The following ODAD2 variants were observed in gnomAD, a reference collection of about 807,000 sequenced individuals.
ODAD2 encodes outer dynein arm docking complex subunit 2.
ODAD2 carries 89 observed loss-of-function variants against 106.8 expected under a neutral mutation model. The observed-to-expected ratio is 0.83, with a 90% CI of 0.70 to 0.99. The LOEUF is 0.99. Among genes scored for constraint, ODAD2 ranks in the 50% least tolerant of loss-of-function variants. ODAD2 has a pLI of 0.00. For missense variants in ODAD2, 1,168 were observed against 1,238.5 expected (o/e 0.94, Z 0.85); for synonymous variants, 404 against 436.2 (o/e 0.93, Z 0.92).
At chr10:27,896,700 T>C (rs1237324928) in intron 17 of ODAD2, among the ~76,000 whole-genome samples, 1 of 152,182 alleles carries the variant, frequency 6.6e-6, no homozygotes, top group Non-Finnish European at 1.5e-5. Flanking sequence ...GAGCCAGGCC[T>C]GTCTTTTTTT....
chr10:27,944,188 A>T, intron 12 of ODAD2, 34 bp downstream of exon 12: 1 of 1,567,330 alleles, frequency 6.4e-7, no homozygotes, highest in Non-Finnish European at 8.7e-7. Flanking sequence ...GGCGGCTGGC[A>T]CTAGATGACG....
At chr10:27,852,773 C>T (rs1035684909) in intron 19 of ODAD2, among the ~76,000 whole-genome samples, 1 of 151,382 alleles carries the variant, frequency 6.6e-6, no homozygotes, top group Non-Finnish European at 1.5e-5. Context: ...CCAGCCTGAC[C>T]AACATGGCAA....
At chr10:27,893,047 T>A (rs1330161455) in intron 17 of ODAD2, among the ~76,000 whole-genome samples, 1 of 151,844 alleles carries the variant, frequency 6.6e-6, no homozygotes. Flanking sequence ...TAATCCCAGC[T>A]ACTCGGGAGG....
At position 27,860,721 on chromosome 10, in the gene ODAD2, A is replaced by G; in HGVS notation, c.2925T>C (p.Asn975=). 6.2e-7 allele frequency: 1 copy of G among 1,614,192 alleles called. No homozygotes were observed. The highest frequency in any genetic ancestry group is 8.5e-7 in the Non-Finnish European group (1 of 1,180,024). The change falls in exon 19 of 20, where the codon AAT becomes AAC. Residue 975 remains asparagine (N), a synonymous_variant. Transcript: ENST00000305242. ...VAPLVRYLKS[N]DTNVHRATAQ... ...CTGTCGCCCGATGCACGTTGGTGTC[A>G]TTTGATTTCAGATAACGCACTAGTG...
intron 19 of ODAD2, among the ~76,000 whole-genome samples, chr10:27,837,106 A>G (rs1472925152): frequency 6.6e-6 from 1 of 152,088 alleles, no homozygotes; most frequent in Admixed American, 6.6e-5. Flanking sequence ...CCTGAGGGAA[A>G]ATTTGTTGTC....
At chr10:27,856,378 C>G (rs1839655160) in intron 19 of ODAD2, among the ~76,000 whole-genome samples, 1 of 152,136 alleles carries the variant, frequency 6.6e-6, no homozygotes, top group Non-Finnish European at 1.5e-5. Flanking sequence ...AGTATTTAAA[C>G]ACAAACCCTT....
intron 15 of ODAD2, among the ~76,000 whole-genome samples, chr10:27,936,465 G>A (rs887521258): frequency 6.6e-6 from 1 of 152,112 alleles, no homozygotes; most frequent in South Asian, 2.1e-4. Flanking sequence ...AATTCAAATG[G>A]CTGCCCATAT....
chr10:27,971,678 A>T (rs1224643825), intron 7 of ODAD2, among the ~76,000 whole-genome samples: 7 of 152,230 alleles, frequency 4.6e-5, no homozygotes, highest in Admixed American at 2.6e-4. Flanking sequence ...GACAGGTATG[A>T]CATATTACAG....
chr10:27,958,361 A>C (rs931094932), intron 10 of ODAD2, among the ~76,000 whole-genome samples: 3 of 152,230 alleles, frequency 2.0e-5, no homozygotes, highest in African/African-American at 7.2e-5. Flanking sequence ...TAATTAGGCT[A>C]TTATGAGAAA....
chr10:27,938,660 C>G (rs191940795), intron 14 of ODAD2, among the ~76,000 whole-genome samples: 1 of 150,968 alleles, frequency 6.6e-6, no homozygotes, highest in Admixed American at 6.6e-5. Context: ...AGTCCAGTGG[C>G]GCGATCTTGG....
At chr10:27,913,440 T>C (rs139598627) in intron 16 of ODAD2, among the ~76,000 whole-genome samples, 1 of 152,244 alleles carries the variant, frequency 6.6e-6, no homozygotes, top group African/African-American at 2.4e-5. Flanking sequence ...GCTCTATGCA[T>C]GTTGTTGCAA....
intron 16 of ODAD2, among the ~76,000 whole-genome samples, chr10:27,927,859 T>C (rs112486182): frequency 3.9e-5 from 6 of 152,142 alleles, no homozygotes; most frequent in African/African-American, 1.2e-4. Context: ...GTTTTTGTCT[T>C]TCTTTCTTCA....
chr10:27,910,959 T>C (rs1485500241), intron 16 of ODAD2, among the ~76,000 whole-genome samples: 4 of 152,170 alleles, frequency 2.6e-5, no homozygotes, highest in Non-Finnish European at 5.9e-5. Context: ...TTGTTTCACG[T>C]GTATTTCTCT....
At chr10:27,964,608 G>C (rs1467058467) in intron 9 of ODAD2, among the ~76,000 whole-genome samples, 1 of 152,136 alleles carries the variant, frequency 6.6e-6, no homozygotes, top group East Asian at 1.9e-4. Context: ...GATTTGATCT[G>C]TTTTCATTTT....
chr10:27,819,970 G>A (rs868824815), intron 19 of ODAD2, among the ~76,000 whole-genome samples: 56 of 152,254 alleles, frequency 3.7e-4, no homozygotes, highest in African/African-American at 1.2e-3. Flanking sequence ...CATTTGAATC[G>A]CATAGTCCAG....
At chr10:27,951,558 G>T (rs1287155313) in intron 10 of ODAD2, among the ~76,000 whole-genome samples, 1 of 151,738 alleles carries the variant, frequency 6.6e-6, no homozygotes, top group Non-Finnish European at 1.5e-5. Context: ...TAGAGAAAAA[G>T]AAGTGAAGTT....
intron 18 of ODAD2, among the ~76,000 whole-genome samples, 183 bp downstream of exon 18, chr10:27,862,251 A>G (rs1020045023): frequency 2.0e-5 from 3 of 152,244 alleles, no homozygotes; most frequent in African/African-American, 7.2e-5. Flanking sequence ...TTTATAGTTT[A>G]AAATACGCTT....
At chr10:27,993,984 G>T (rs1377064668) in intron 2 of ODAD2, among the ~76,000 whole-genome samples, 1 of 148,612 alleles carries the variant, frequency 6.7e-6, no homozygotes, top group Non-Finnish European at 1.5e-5. Context: ...ATGTGTGTGT[G>T]TGTGTGTGTG....
chr10:27,826,584 T>G (rs914073339), intron 19 of ODAD2, among the ~76,000 whole-genome samples: 1 of 151,972 alleles, frequency 6.6e-6, no homozygotes, highest in Admixed American at 6.5e-5. Flanking sequence ...ACGCACAGAT[T>G]CCCGCTGCAA....
Sources: allele counts gnomAD v4.1 joint callset (sites outside exome capture counted in the v4.1 genomes callset), GRCh38; gene constraint gnomAD v4.1.1; transcripts MANE v1.5; gene names NCBI Gene and HGNC (gene_info 2026-07-23, HGNC 2026-07-21).